GUCY1A2: variants seen among roughly 807,000 people sequenced by gnomAD.
GUCY1A2 encodes guanylate cyclase soluble subunit alpha-2.
A neutral mutation model predicts 63.5 loss-of-function variants in GUCY1A2; 27 were observed. The observed-to-expected ratio is 0.43, with a 90% confidence interval of 0.31 to 0.59. The LOEUF (loss-of-function observed/expected upper bound fraction) is 0.59, where lower values mean the gene tolerates loss of function less well. Ranked by LOEUF, GUCY1A2 falls within the 20% of genes least tolerant of loss-of-function variation. The probability of loss-of-function intolerance (pLI) is 0.11; values close to 1 mark genes in which losing one functional copy is unlikely to be tolerated. For missense variants in GUCY1A2, 768 were observed against 913.3 expected, an observed-to-expected ratio of 0.84 and a Z score of 2.05; for synonymous variants, 364 against 343.5, an observed-to-expected ratio of 1.06 and a Z score of -0.66.
rs143909145 is a variant in GUCY1A2 at position 106,713,496 on chromosome 11, C to CTTT, written c.1837-4833_1837-4831dup. Among the ~76,000 whole-genome samples, 26 of 78,394 alleles carry CTTT rather than the reference C, an allele frequency of 3.3e-4. 1 individual carries two copies. Among genetic ancestry groups the CTTT allele is most frequent in the South Asian group, 1.7e-3 (3 of 1,738 alleles). 51.4% of individuals were successfully genotyped at this position (78,394 alleles called of 152,430 possible). On this transcript the variant is annotated intron_variant, in intron 6 of 7. Coordinates refer to ENST00000526355, the MANE Select transcript of GUCY1A2 (RefSeq NM_000855.3). Reference sequence around the variant, plus strand: ...AGCACACTGCAATATTAGTATGTTTCTTTTTTTTTTTTTTTTTTTTTTTTT... The same window carrying CTTT: ...AGCACACTGCAATATTAGTATGTTTCTTTTTTTTTTTTTTTTTTTTTTTTTTTT...
intron 6 of GUCY1A2, among the ~76,000 whole-genome samples, chr11:106,769,300 G>A (rs1176701461): frequency 6.6e-6 from 1 of 152,022 alleles, no homozygotes; most frequent in Non-Finnish European, 1.5e-5. Context: ...AATAAAAACG[G>A]TATGAAAAAT....
intron 6 of GUCY1A2, among the ~76,000 whole-genome samples, chr11:106,745,886 A>G (rs190468862): frequency 5.1e-4 from 77 of 152,332 alleles, no homozygotes; most frequent in Middle Eastern, 3.4e-3. Context: ...GTGCTATCTA[A>G]TGTAACTTTT....
chr11:106,908,924 G>A lies in GUCY1A2; in HGVS notation c.1206+30536C>T, dbSNP rs78408923. Among the ~76,000 whole-genome samples, 145 of 152,122 alleles carry A rather than the reference G, an allele frequency of 9.5e-4. 1 individual carries two copies. In the East Asian group the frequency reaches 0.025, roughly 27 times the overall value. ...TGTTCCACAAAAAGGCTAGAAGAAG[G>A]TGAAGAAATATTTTTGGAATTGCTG... is the stretch of plus-strand genomic sequence containing the variant. On this transcript the variant is annotated intron_variant, in intron 4 of 7. Transcript: ENST00000526355.
chr11:106,994,879 A>G (rs965983903), intron 1 of GUCY1A2, among the ~76,000 whole-genome samples: 5 of 152,230 alleles, frequency 3.3e-5, no homozygotes, highest in African/African-American at 1.2e-4. Context: ...AATTGTAAAC[A>G]GTGTCACTAT....
At chr11:106,734,603 C>A (rs1863557692) in intron 6 of GUCY1A2, among the ~76,000 whole-genome samples, 1 of 152,016 alleles carries the variant, frequency 6.6e-6, no homozygotes, top group African/African-American at 2.4e-5. Flanking sequence ...TTATTATATT[C>A]ATTCTAGTCA....
Position 106,675,098 on chromosome 11 carries a change from A to T in GUCY1A2, c.*12451T>A. On this transcript the variant is annotated 3_prime_UTR_variant, in exon 8 of 8. Coordinates refer to ENST00000526355, the MANE Select transcript of GUCY1A2 (RefSeq NM_000855.3). ...GGCTACTCATGATTGAAGAGTCAGA[A>T]TTCAGGTAGGTTGATTTTGAAATGA... 1 of 213,720 alleles carries T rather than the reference A, an allele frequency of 4.7e-6. No homozygotes were observed. Among genetic ancestry groups the T allele is most frequent in the Non-Finnish European group, 9.5e-6 (1 of 105,740 alleles). The allele number at this position is 213,720 out of a possible 1,614,324, so 13.2% of individuals were successfully genotyped here. A position where few individuals can be genotyped will look rare whatever the true frequency, so the allele number is the denominator to read the frequency against.
At chr11:106,920,893 A>G (rs1195427593) in intron 4 of GUCY1A2, among the ~76,000 whole-genome samples, 3 of 152,138 alleles carry the variant, frequency 2.0e-5, no homozygotes, top group East Asian at 1.9e-4. Flanking sequence ...TGCAGTAGCT[A>G]CTGGAAAGCA....
At chr11:106,702,660 A>G (rs1862836799) in intron 7 of GUCY1A2, among the ~76,000 whole-genome samples, 1 of 151,884 alleles carries the variant, frequency 6.6e-6, no homozygotes, top group South Asian at 2.1e-4. Context: ...CATTTGTGAA[A>G]GTTCTTTTTC....
chr11:106,872,646 G>A (rs552764598), intron 4 of GUCY1A2, among the ~76,000 whole-genome samples: 3 of 152,196 alleles, frequency 2.0e-5, no homozygotes, highest in East Asian at 1.9e-4. Flanking sequence ...GCAAAAAGCC[G>A]GCAATTAGCA....
intron 5 of GUCY1A2, among the ~76,000 whole-genome samples, chr11:106,777,531 G>A (rs1434710919): frequency 1.3e-5 from 2 of 151,904 alleles, no homozygotes; most frequent in African/African-American, 4.8e-5. Flanking sequence ...TCTTTTGCAG[G>A]GACATGGTTG....
In GUCY1A2 at chr11:106,851,812, C is replaced by T. The variant is rs577882317; in HGVS notation, c.1207-41334G>A. 6.1e-5 allele frequency among the ~76,000 whole-genome samples: 9 copies of T among 147,070 alleles called. No individual in the cohort carries two copies. The South Asian group carries it at 1.7e-3, about 28-fold the overall frequency. On this transcript the variant is annotated intron_variant, in intron 4 of 7. Transcript: ENST00000526355. ...ATGCCTACAGCTTTGATCTTTTACT[C>T]AGTATTTCTTTCGCAATTAGGGTCT...
intron 6 of GUCY1A2, among the ~76,000 whole-genome samples, chr11:106,761,945 T>C (rs1168998229): frequency 2.0e-5 from 3 of 152,122 alleles, no homozygotes; most frequent in Non-Finnish European, 4.4e-5. Context: ...TAGCACAGGA[T>C]GCTGCGCTGC....
intron 3 of GUCY1A2, among the ~76,000 whole-genome samples, chr11:106,943,552 A>G (rs962036853): frequency 6.6e-6 from 1 of 152,198 alleles, no homozygotes; most frequent in Non-Finnish European, 1.5e-5. Context: ...CTCATCTGCT[A>G]TCCCACCCCA....
chr11:106,879,630 T>C (rs1859797028), intron 4 of GUCY1A2, among the ~76,000 whole-genome samples: 1 of 152,082 alleles, frequency 6.6e-6, no homozygotes. Context: ...GAGAAAGAGA[T>C]GGGCCTAAAA....
intron 1 of GUCY1A2, among the ~76,000 whole-genome samples, chr11:107,008,766 A>G (rs1861705759): frequency 6.6e-6 from 1 of 152,246 alleles, no homozygotes; most frequent in Non-Finnish European, 1.5e-5. Context: ...AAATGGAGTG[A>G]CAGAAATCAC....
Position 106,678,948 on chromosome 11 carries a change from G to T in GUCY1A2, c.*8601C>A. 5.3e-6 allele frequency: 1 copy of T among 189,122 alleles called. No homozygotes were observed. Among genetic ancestry groups the T allele is most frequent in the Non-Finnish European group, 1.1e-5 (1 of 89,904 alleles). The allele number at this position is 189,122 out of a possible 1,614,324, so 11.7% of individuals were successfully genotyped here. A position where few individuals can be genotyped will look rare whatever the true frequency, so the allele number is the denominator to read the frequency against. On this transcript the variant is annotated 3_prime_UTR_variant, in exon 8 of 8. Transcript: ENST00000526355. ...TCACTTAAATGTAATTCACAATTAA[G>T]TGTTATCATCAGAGGATAAAACTCT...
At chr11:106,841,623 C>T (rs1231257688) in intron 4 of GUCY1A2, among the ~76,000 whole-genome samples, 1 of 151,848 alleles carries the variant, frequency 6.6e-6, no homozygotes, top group Non-Finnish European at 1.5e-5. Flanking sequence ...CTTGAGTGTC[C>T]TTAGCAGTGC....
chr11:106,947,498 A>T (rs566457591), intron 3 of GUCY1A2, among the ~76,000 whole-genome samples: 1 of 152,044 alleles, frequency 6.6e-6, no homozygotes, highest in Admixed American at 6.5e-5. Context: ...AAACTAACAA[A>T]AAGGCAAAGT....
chr11:106,837,117 G>C, intron 4 of GUCY1A2, among the ~76,000 whole-genome samples: 1 of 151,754 alleles, frequency 6.6e-6, no homozygotes, highest in East Asian at 1.9e-4. Context: ...CTACCCAATA[G>C]TTATTTTTTT....
Sources: gnomAD v4.1 joint callset for allele counts (sites outside exome capture counted in the v4.1 genomes callset) on GRCh38, gnomAD v4.1.1 for gene constraint, MANE v1.5 for transcripts, NCBI Gene and HGNC (gene_info 2026-07-23, HGNC 2026-07-21) for gene names.